ESR1: variants seen among roughly 807,000 people sequenced by gnomAD.
The protein encoded by ESR1 is estrogen receptor 1.
ESR1 carries 12 observed loss-of-function variants against 52.7 expected under a neutral mutation model. That is an observed-to-expected ratio of 0.23 (90% CI 0.15 to 0.37). The LOEUF (loss-of-function observed/expected upper bound fraction) is 0.37. Ranked by LOEUF, ESR1 falls within the 10% of genes least tolerant of loss-of-function variation. The pLI is 1.00. For missense variants in ESR1, 584 were observed against 779.7 expected, an observed-to-expected ratio of 0.75 and a Z score of 2.99; for synonymous variants, 305 against 316.8, an observed-to-expected ratio of 0.96 and a Z score of 0.39.
At chr6:151,800,982 T>C (rs542424886), upstream of ESR1, among the ~76,000 whole-genome samples, 1 of 152,000 alleles carries the variant, frequency 6.6e-6, no homozygotes, top group Non-Finnish European at 1.5e-5. Context: ...ATCTCCTCTG[T>C]CTTTTTTTAA....
Position 151,808,339 on chromosome 6 carries a change from G to A in ESR1, c.427G>A (p.Glu143Lys), listed in dbSNP as rs2128157158. 2 of 1,527,958 alleles carry A rather than the reference G, an allele frequency of 1.3e-6. No individual in the cohort carries two copies. The highest frequency in any genetic ancestry group is 8.8e-7 in the Non-Finnish European group (1 of 1,142,042). The allele number at this position is 1,527,958 out of a possible 1,614,324, so 94.7% of individuals were successfully genotyped here. ...ENEPSGYTVR[E>K]AGPPAFYRPN... Reference sequence around the variant, plus strand: ...CGAGCCCAGCGGCTACACGGTGCGCGAGGCCGGCCCGCCGGCATTCTACAG... The same window carrying A: ...CGAGCCCAGCGGCTACACGGTGCGCAAGGCCGGCCCGCCGGCATTCTACAG... The change falls in exon 1 of 8, where the codon GAG becomes AAG. Residue 143 changes from glutamate (E) to lysine (K), a missense_variant. Glu to Lys is a moderately conservative substitution (Grantham distance 56). Coordinates refer to ENST00000206249, the MANE Select transcript of ESR1 (RefSeq NM_000125.4).
chr6:152,034,786 G>T (rs1281854769), intron 5 of ESR1, among the ~76,000 whole-genome samples: 1 of 152,132 alleles, frequency 6.6e-6, no homozygotes. Context: ...TCTTAACGAG[G>T]TTTTTACTAA....
intron 1 of ESR1, among the ~76,000 whole-genome samples, chr6:151,681,173 T>G (rs901772857): frequency 6.6e-6 from 1 of 152,214 alleles, no homozygotes; most frequent in African/African-American, 2.4e-5. Flanking sequence ...CTTCTGAAAT[T>G]TTGATGTGTT....
intron 5 of ESR1, among the ~76,000 whole-genome samples, chr6:152,014,090 C>T (rs1206925788): frequency 6.6e-6 from 1 of 152,190 alleles, no homozygotes; most frequent in Non-Finnish European, 1.5e-5. Flanking sequence ...CACACGCTCT[C>T]TCTCTTCCCC....
intron 1 of ESR1, among the ~76,000 whole-genome samples, chr6:151,839,552 G>A (rs900388912): frequency 1.3e-5 from 2 of 152,130 alleles, no homozygotes; most frequent in Non-Finnish European, 1.5e-5. Context: ...CATAGTTATA[G>A]CAACATTATT....
chr6:152,055,616 C>T lies in ESR1; in HGVS notation c.1236-5375C>T, dbSNP rs944624021. 3.4e-4 allele frequency among the ~76,000 whole-genome samples: 52 copies of T among 152,118 alleles called. 1 individual carries two copies. Among genetic ancestry groups the T allele is most frequent in the Admixed American group, 1.0e-3 (16 of 15,272 alleles). Reference sequence around the variant, plus strand: ...GTAAGGCCATTTATCTTTGATCTTGCTCCATTCCCTTCCATTTTTGCTTGA... The same window carrying T: ...GTAAGGCCATTTATCTTTGATCTTGTTCCATTCCCTTCCATTTTTGCTTGA... On this transcript the variant is annotated intron_variant, in intron 5 of 7. Coordinates refer to ENST00000206249, the MANE Select transcript of ESR1 (RefSeq NM_000125.4).
At chr6:151,756,659 T>C (rs1408431287) in intron 2 of ESR1, among the ~76,000 whole-genome samples, 1 of 152,248 alleles carries the variant, frequency 6.6e-6, no homozygotes, top group Non-Finnish European at 1.5e-5. Context: ...TTATAGTTTT[T>C]GAATAAATTG....
rs1163587464 is a variant in ESR1 at position 151,693,375 on chromosome 6, T to C, written c.-202+2711T>C. ...TCCAATCAACTGAGCGTACCATCTG[T>C]TGAAATGCTGCTGCTTCTGTAATGA... On this transcript the variant is annotated intron_variant, in intron 1 of 2. Transcript: ENST00000404742. Among the ~76,000 whole-genome samples, 8 of 152,306 alleles carry C rather than the reference T, an allele frequency of 5.3e-5. No homozygotes were observed. The East Asian group carries it at 1.5e-3, about 29-fold the overall frequency.
At chr6:151,797,877 C>T (rs141353443) in intron 2 of ESR1, among the ~76,000 whole-genome samples, 11 of 152,256 alleles carry the variant, frequency 7.2e-5, no homozygotes, top group Admixed American at 1.3e-4. Context: ...CAGTTCTCTA[C>T]GTAAGGATTT....
At chr6:151,832,789 A>G (rs534603816) in intron 1 of ESR1, among the ~76,000 whole-genome samples, 43 of 152,308 alleles carry the variant, frequency 2.8e-4, no homozygotes, top group Middle Eastern at 3.4e-3. Context: ...TACTGTATCC[A>G]TACTCTTGAA....
At chr6:152,086,935 G>T (rs1384045184) in intron 6 of ESR1, among the ~76,000 whole-genome samples, 1 of 152,046 alleles carries the variant, frequency 6.6e-6, no homozygotes, top group Non-Finnish European at 1.5e-5. Flanking sequence ...AAGGATGGAA[G>T]TTTCCTATCT....
chr6:151,951,339 C>A (rs1352445064), intron 4 of ESR1, among the ~76,000 whole-genome samples: 1 of 152,108 alleles, frequency 6.6e-6, no homozygotes, highest in East Asian at 1.9e-4. Context: ...ACTTGACTTC[C>A]AAGTTTACTA....
rs1479863673 is a variant in ESR1 at position 152,098,860 on chromosome 6, A to G, written c.1682A>G (p.Glu561Gly). 1.2e-6 allele frequency: 2 copies of G among 1,614,034 alleles called. No individual in the cohort carries two copies. The highest frequency in any genetic ancestry group is 2.2e-5 in the East Asian group (1 of 44,878). Residue 561 changes from glutamate (E) to glycine (G), a missense_variant, in exon 8 of 8, where the codon GAG becomes GGG. By Grantham distance (98) the Glu-to-Gly change is moderately conservative (BLOSUM62 -2). Coordinates refer to ENST00000206249, the MANE Select transcript of ESR1 (RefSeq NM_000125.4). This position sits in a 1 kb window ranked among gnomAD's most constrained non-coding sequence, Gnocchi z 5.1. Reference protein sequence around the residue: ...APTSRGGASVEETDQSHLATA... With the variant: ...APTSRGGASVGETDQSHLATA... Reference sequence around the variant, plus strand: ...ACTAGCCGTGGAGGGGCATCCGTGGAGGAGACGGACCAAAGCCACTTGGCC... The same window carrying G: ...ACTAGCCGTGGAGGGGCATCCGTGGGGGAGACGGACCAAAGCCACTTGGCC...
intron 1 of ESR1, among the ~76,000 whole-genome samples, chr6:151,665,833 C>T (rs911127110): frequency 6.6e-6 from 1 of 152,176 alleles, no homozygotes; most frequent in Admixed American, 6.5e-5. Context: ...CAAATTATTA[C>T]CTCGAAGAGA....
intron 1 of ESR1, among the ~76,000 whole-genome samples, chr6:151,821,063 G>A (rs539033979): frequency 6.6e-6 from 1 of 152,188 alleles, no homozygotes; most frequent in African/African-American, 2.4e-5. Flanking sequence ...AGAAATCAAA[G>A]TCTAGAAAGG....
At chr6:151,817,498 G>A (rs138786994) in intron 1 of ESR1, among the ~76,000 whole-genome samples, 3 of 152,240 alleles carry the variant, frequency 2.0e-5, no homozygotes, top group African/African-American at 4.8e-5. Context: ...ATTTCCTTGG[G>A]CCTCTTGGAT....
chr6:152,009,651 C>G (rs1226299245), intron 4 of ESR1, among the ~76,000 whole-genome samples: 1 of 152,112 alleles, frequency 6.6e-6, no homozygotes, highest in African/African-American at 2.4e-5. Context: ...ATTACAACTA[C>G]TTTGAAAACA....
At chr6:151,958,329 A>G (rs73005965) in intron 4 of ESR1, among the ~76,000 whole-genome samples, 1 of 152,100 alleles carries the variant, frequency 6.6e-6, no homozygotes, top group Admixed American at 6.5e-5. Context: ...AAAAATCTCT[A>G]CCATTTATTG....
chr6:151,775,483 G>C (rs1473919840), intron 2 of ESR1, among the ~76,000 whole-genome samples: 4 of 152,048 alleles, frequency 2.6e-5, no homozygotes, highest in African/African-American at 4.8e-5. Flanking sequence ...CGCGGTGGCT[G>C]ACACCTGTAA....
Sources: allele counts gnomAD v4.1 joint callset (sites outside exome capture counted in the v4.1 genomes callset), GRCh38; gene constraint gnomAD v4.1.1; non-coding constraint Gnocchi (gnomAD v3.1); transcripts MANE v1.5; gene names NCBI Gene and HGNC (gene_info 2026-07-23, HGNC 2026-07-21).